The following ADGRA3 variants were observed in gnomAD, a reference collection of about 807,000 sequenced individuals.
The protein encoded by ADGRA3 is adhesion G protein-coupled receptor A3, also known as G-protein coupled receptor 125.
ADGRA3 carries 56 observed loss-of-function variants against 119.8 expected under a neutral mutation model. That is an observed-to-expected ratio of 0.47 (90% CI 0.38 to 0.58). The LOEUF (loss-of-function observed/expected upper bound fraction) is 0.58, where lower values mean the gene tolerates loss of function less well. Ranked by LOEUF, ADGRA3 falls within the 20% of genes least tolerant of loss-of-function variation. The probability of loss-of-function intolerance (pLI) is 0.00; values close to 1 mark genes in which losing one functional copy is unlikely to be tolerated. For missense variants in ADGRA3, 1,516 were observed against 1,649.0 expected, an observed-to-expected ratio of 0.92 and a Z score of 1.40; for synonymous variants, 607 against 623.8, an observed-to-expected ratio of 0.97 and a Z score of 0.40.
At chr4:22,434,129 T>TATA (rs1716298650) in intron 10 of ADGRA3, among the ~76,000 whole-genome samples, 2 of 148,066 alleles carry the variant, frequency 1.4e-5, no homozygotes, top group African/African-American at 4.9e-5. Flanking sequence ...ATATATATAT[T>TATA]ATATATAACA....
intron 16 of ADGRA3, among the ~76,000 whole-genome samples, chr4:22,398,523 C>T (rs1714467261): frequency 1.3e-5 from 2 of 152,044 alleles, no homozygotes; most frequent in Admixed American, 1.3e-4. Flanking sequence ...CTATTATATC[C>T]TCTGTATCAT....
intron 15 of ADGRA3, among the ~76,000 whole-genome samples, chr4:22,401,933 CT>C (rs1242075578): frequency 1.3e-5 from 2 of 152,044 alleles, no homozygotes; most frequent in Non-Finnish European, 2.9e-5. Context: ...GCCAATGGGT[CT>C]TTTTTTGACC....
chr4:22,395,970 G>A (rs948042803), intron 16 of ADGRA3, among the ~76,000 whole-genome samples: 1 of 152,104 alleles, frequency 6.6e-6, no homozygotes, highest in Non-Finnish European at 1.5e-5. Context: ...AGGGTGGGTG[G>A]CACTACATTT....
chr4:22,447,368 T>C, intron 5 of ADGRA3, 72 bp downstream of exon 5: 2 of 930,646 alleles, frequency 2.1e-6, no homozygotes, highest in South Asian at 1.6e-5. Flanking sequence ...TGAAACCACA[T>C]AATAAATGTT....
In ADGRA3 at chr4:22,387,945, A is replaced by G. The variant is rs1226170677; in HGVS notation, c.3726T>C (p.Ala1242=). 2 of 1,614,036 alleles carry G rather than the reference A, an allele frequency of 1.2e-6. No homozygotes were observed. Among genetic ancestry groups the G allele is most frequent in the East Asian group, 4.5e-5 (2 of 44,890 alleles). ...YNPPQQDSSD[A]CSTLPKSSRN... is the part of the protein sequence containing the mutation. ...TGCTACTTTTGGGAAGTGTGCTACA[A>G]GCATCGCTGCTGTCTTGCTGGGGTG... is the stretch of plus-strand genomic sequence containing the variant. The change falls in exon 19 of 19, where the codon GCT becomes GCC. Residue 1242 remains alanine, a synonymous_variant. Transcript: ENST00000334304.
At chr4:22,447,646 G>C in intron 4 of ADGRA3, 135 bp from the exon 5 acceptor site, 1 of 514,472 alleles carries the variant, frequency 1.9e-6, no homozygotes, top group Non-Finnish European at 3.4e-6. Context: ...TGCTTATAAA[G>C]AGGGAGCGAT....
chr4:22,512,459 G>A (rs1719481651), intron 1 of ADGRA3, among the ~76,000 whole-genome samples: 1 of 152,154 alleles, frequency 6.6e-6, no homozygotes, highest in South Asian at 2.1e-4. Context: ...AGAAAGAAAT[G>A]TCCAAGTCCT....
chr4:22,489,995 C>T (rs189249170), intron 1 of ADGRA3, among the ~76,000 whole-genome samples: 1 of 152,228 alleles, frequency 6.6e-6, no homozygotes, highest in Non-Finnish European at 1.5e-5. Context: ...ACTCCTGAAA[C>T]GGTTCAATAA....
intron 14 of ADGRA3, among the ~76,000 whole-genome samples, chr4:22,406,867 C>T (rs1714954728): frequency 6.6e-6 from 1 of 151,496 alleles, no homozygotes; most frequent in Non-Finnish European, 1.5e-5. Context: ...TAAAACAGAA[C>T]CACTAAAAAA....
chr4:22,397,175 C>CTTTTTTTTTTTTTTT (rs56918685), intron 16 of ADGRA3, among the ~76,000 whole-genome samples: 1 of 93,254 alleles, frequency 1.1e-5, no homozygotes, highest in Non-Finnish European at 2.1e-5. Context: ...TACTGTAATT[C>CTTTTTTTTTTTTTTT]TTTTTTTTTT....
chr4:22,495,689 A>T (rs1355538970), intron 1 of ADGRA3, among the ~76,000 whole-genome samples: 1 of 151,642 alleles, frequency 6.6e-6, no homozygotes, highest in South Asian at 2.1e-4. Context: ...CGGGTGGATG[A>T]CGAGGTCAGG....
At chr4:22,489,597 T>C (rs1414310354) in intron 1 of ADGRA3, among the ~76,000 whole-genome samples, 2 of 152,344 alleles carry the variant, frequency 1.3e-5, no homozygotes, top group African/African-American at 4.8e-5. Flanking sequence ...CCAGGGAAAC[T>C]GATGAAAAAG....
rs1009778836 is a variant in ADGRA3, at chr4:22,486,889, G to T, written c.258-13046C>A. On this transcript the variant is annotated intron_variant, in intron 1 of 18. Coordinates refer to ENST00000334304, the MANE Select transcript of ADGRA3 (RefSeq NM_145290.4). The stretch of plus-strand genomic sequence containing the variant: ...CTTTCTAAGAGACAATACAAGGCTT[G>T]TGTAAATATATATGAGAATGTGTGG... Among the ~76,000 whole-genome samples the T allele has an allele frequency of 4.6e-5, 7 of 152,300 alleles. No individual in the cohort carries two copies. In the South Asian group the frequency reaches 8.3e-4, roughly 18 times the overall value.
intron 1 of ADGRA3, among the ~76,000 whole-genome samples, chr4:22,493,296 C>A (rs1453775734): frequency 6.6e-6 from 1 of 152,114 alleles, no homozygotes; most frequent in Admixed American, 6.5e-5. Flanking sequence ...TCTTTTTAAT[C>A]TCATCTAACA....
intron 1 of ADGRA3, among the ~76,000 whole-genome samples, chr4:22,503,373 C>T (rs1330307824): frequency 1.3e-5 from 2 of 152,118 alleles, no homozygotes; most frequent in African/African-American, 2.4e-5. Flanking sequence ...GGAAGAATTG[C>T]ACAATAAAAC....
intron 14 of ADGRA3, among the ~76,000 whole-genome samples, chr4:22,406,193 T>C (rs1182008725): frequency 6.6e-6 from 1 of 152,158 alleles, no homozygotes; most frequent in East Asian, 1.9e-4. Context: ...ATATATACCA[T>C]ATTTTCTTTA....
At chr4:22,425,169 G>C (rs190951648) in intron 10 of ADGRA3, among the ~76,000 whole-genome samples, 1 of 151,468 alleles carries the variant, frequency 6.6e-6, no homozygotes, top group East Asian at 1.9e-4. Flanking sequence ...CTACTGCTAC[G>C]TCCTTGTATG....
rs756220717 is a variant in ADGRA3, at chr4:22,388,360, G to A, written c.3311C>T (p.Ser1104Leu). Residue 1104 changes from serine to leucine, a missense_variant, in exon 19 of 19, where the codon TCA (serine) becomes TTA (leucine). Physicochemically the swap from Ser to Leu is moderately radical, Grantham distance 145. Coordinates refer to ENST00000334304, the MANE Select transcript of ADGRA3 (RefSeq NM_145290.4). ...GCCCTGGGAGGAATTTTTGAAGCTT[G>A]AAGCACTTTTGTTTGTGCATGAAGA... ...AESSCTNKSA[S>L]SFKNSSQGCK... is the part of the protein sequence containing the mutation. 1 of 1,614,088 alleles carries A rather than the reference G, an allele frequency of 6.2e-7. No homozygotes were observed. The highest frequency in any genetic ancestry group is 2.2e-5 in the East Asian group (1 of 44,848).
chr4:22,484,834 G>C (rs1718378046), intron 1 of ADGRA3, among the ~76,000 whole-genome samples: 1 of 151,890 alleles, frequency 6.6e-6, no homozygotes, highest in African/African-American at 2.4e-5. Flanking sequence ...GCATCTGACT[G>C]TTGATGGCAT....
Sources: gnomAD v4.1 joint callset for allele counts (sites outside exome capture counted in the v4.1 genomes callset) on GRCh38, gnomAD v4.1.1 for gene constraint, MANE v1.5 for transcripts, NCBI Gene and HGNC (gene_info 2026-07-23, HGNC 2026-07-21) for gene names.